The following PTPRD variants were observed in gnomAD, a reference collection of about 807,000 sequenced individuals.
The protein encoded by PTPRD is protein tyrosine phosphatase receptor type D, also known as receptor-type tyrosine-protein phosphatase delta.
A neutral mutation model predicts 214.5 loss-of-function variants in PTPRD; 34 were observed. The observed-to-expected ratio is 0.16, with a 90% CI of 0.12 to 0.21. PTPRD has a LOEUF of 0.21. Ranked by LOEUF, PTPRD falls within the 10% of genes least tolerant of loss-of-function variation. PTPRD has a pLI of 1.00. For missense variants in PTPRD, 2,545 were observed against 2,398.7 expected, an observed-to-expected ratio of 1.06 and a Z score of -1.27; for synonymous variants, 1,128 against 845.7, an observed-to-expected ratio of 1.33 and a Z score of -5.79.
intron 8 of PTPRD, among the ~76,000 whole-genome samples, chr9:9,548,665 A>C (rs2154280063): frequency 6.6e-6 from 1 of 151,966 alleles, no homozygotes; most frequent in East Asian, 1.9e-4. Flanking sequence ...TTAAAAGCAA[A>C]AGTATGATAA....
chr9:9,715,944 C>A (rs1343470281), intron 7 of PTPRD, among the ~76,000 whole-genome samples: 5 of 152,132 alleles, frequency 3.3e-5, no homozygotes, highest in Non-Finnish European at 5.9e-5. Flanking sequence ...TGCTGGTGCG[C>A]TGCACCCATT....
intron 2 of PTPRD, among the ~76,000 whole-genome samples, chr9:10,436,315 T>C (rs1021901747): frequency 6.6e-6 from 1 of 151,758 alleles, no homozygotes; most frequent in African/African-American, 2.4e-5. Flanking sequence ...GTGTCCACAT[T>C]AGCATTAGAA....
chr9:9,545,974 T>C (rs1051813415), intron 8 of PTPRD, among the ~76,000 whole-genome samples: 75 of 151,946 alleles, frequency 4.9e-4, no homozygotes, highest in African/African-American at 1.7e-3. Flanking sequence ...ATCAGGGTTT[T>C]TCAGTTTCTC....
intron 2 of PTPRD, among the ~76,000 whole-genome samples, chr9:10,354,571 A>G (rs1015313904): frequency 6.6e-6 from 1 of 152,178 alleles, no homozygotes; most frequent in Non-Finnish European, 1.5e-5. Context: ...TTGACTCTCA[A>G]ATATGCTTTT....
chr9:10,359,452 A>G (rs1480642489), intron 2 of PTPRD, among the ~76,000 whole-genome samples: 2 of 152,036 alleles, frequency 1.3e-5, no homozygotes, highest in Non-Finnish European at 2.9e-5. Flanking sequence ...ATAAGTAAAT[A>G]TTTTAAATAA....
intron 3 of PTPRD, among the ~76,000 whole-genome samples, chr9:10,055,861 A>ATG (rs921738763): frequency 8.0e-5 from 12 of 149,876 alleles, no homozygotes; most frequent in Non-Finnish European, 1.2e-4. Flanking sequence ...TGTATACATT[A>ATG]TGTGTGTGTA....
intron 7 of PTPRD, among the ~76,000 whole-genome samples, chr9:9,722,588 G>A (rs2097978590): frequency 6.6e-6 from 1 of 151,972 alleles, no homozygotes; most frequent in African/African-American, 2.4e-5. Flanking sequence ...ATACCTAAGA[G>A]TAGAATTTCC....
chr9:8,486,495 T>C (rs2097015919), intron 27 of PTPRD, 146 bp from the exon 28 acceptor site: 2 of 779,850 alleles, frequency 2.6e-6, no homozygotes, highest in Non-Finnish European at 4.6e-6. Flanking sequence ...TTGACCTACA[T>C]ACCTTTGTGG....
At chr9:9,685,769 T>G (rs1172165974) in intron 7 of PTPRD, among the ~76,000 whole-genome samples, 1 of 151,336 alleles carries the variant, frequency 6.6e-6, no homozygotes, top group African/African-American at 2.4e-5. Context: ...ATAGGCAGTT[T>G]CAGGATGACA....
intron 8 of PTPRD, among the ~76,000 whole-genome samples, chr9:9,568,471 A>C (rs1176963322): frequency 1.3e-5 from 2 of 151,896 alleles, no homozygotes; most frequent in Admixed American, 1.3e-4. Context: ...TGTGACATGT[A>C]ATAAATACTG....
At chr9:9,901,327 G>T (rs760524580) in intron 5 of PTPRD, among the ~76,000 whole-genome samples, 4 of 152,216 alleles carry the variant, frequency 2.6e-5, no homozygotes, top group Admixed American at 6.5e-5. Context: ...GACCTTCGAT[G>T]TTCAACCTCC....
At chr9:9,199,130 A>G (rs1569561388) in intron 9 of PTPRD, among the ~76,000 whole-genome samples, 1 of 152,170 alleles carries the variant, frequency 6.6e-6, no homozygotes, top group Non-Finnish European at 1.5e-5. Context: ...AGGAGACACA[A>G]TATCATCCCC....
chr9:8,906,832 G>A (rs2098711215), intron 11 of PTPRD, among the ~76,000 whole-genome samples: 1 of 151,968 alleles, frequency 6.6e-6, no homozygotes, highest in South Asian at 2.1e-4. Flanking sequence ...AAAAATGAGA[G>A]CACCATGGAA....
chr9:9,610,012 C>A (rs1363487963), intron 7 of PTPRD, among the ~76,000 whole-genome samples: 2 of 152,126 alleles, frequency 1.3e-5, no homozygotes, highest in Non-Finnish European at 2.9e-5. Context: ...TGGTGGGTCC[C>A]TTCTTTCCAG....
chr9:10,147,066 G>A (rs1380685912), intron 3 of PTPRD, among the ~76,000 whole-genome samples: 1 of 152,062 alleles, frequency 6.6e-6, no homozygotes, highest in Admixed American at 6.6e-5. Flanking sequence ...TGTCACAGAA[G>A]CTAATAAAGG....
chr9:9,416,922 T>C (rs1025664513), intron 8 of PTPRD, among the ~76,000 whole-genome samples: 1 of 152,134 alleles, frequency 6.6e-6, no homozygotes, highest in African/African-American at 2.4e-5. Flanking sequence ...TTTCCCTCAA[T>C]ACAAGTACTT....
At chr9:8,679,397 T>TGA (rs970522871) in intron 12 of PTPRD, among the ~76,000 whole-genome samples, 1 of 152,174 alleles carries the variant, frequency 6.6e-6, no homozygotes, top group African/African-American at 2.4e-5. Flanking sequence ...GTGTGATCCT[T>TGA]GATGGTCATC....
intron 9 of PTPRD, among the ~76,000 whole-genome samples, chr9:9,328,502 G>T (rs929837166): frequency 6.6e-6 from 1 of 151,634 alleles, no homozygotes; most frequent in East Asian, 1.9e-4. Flanking sequence ...AACCTGGCTG[G>T]TAACTTTAAA....
At chr9:10,037,279 T>C (rs2097202022) in intron 3 of PTPRD, among the ~76,000 whole-genome samples, 1 of 152,100 alleles carries the variant, frequency 6.6e-6, no homozygotes, top group Admixed American at 6.6e-5. Flanking sequence ...AGGTGGGGCC[T>C]GGTGGGAGGT....
Sources: gnomAD v4.1 joint callset for allele counts (sites outside exome capture counted in the v4.1 genomes callset) on GRCh38, gnomAD v4.1.1 for gene constraint, MANE v1.5 for transcripts, NCBI Gene and HGNC (gene_info 2026-07-23, HGNC 2026-07-21) for gene names.